Variants in GABRB1 observed in about 807,000 individuals in gnomAD.
GABRB1 encodes the protein gamma-aminobutyric acid type A receptor subunit beta1.
GABRB1 carries 17 observed loss-of-function variants against 51.6 expected under a neutral mutation model. That is an observed-to-expected ratio of 0.33 (90% CI 0.23 to 0.49). GABRB1 has a LOEUF of 0.49. Among genes scored for constraint, GABRB1 ranks in the 20% least tolerant of loss-of-function variants. The probability of loss-of-function intolerance (pLI) is 0.99; values close to 1 mark genes in which losing one functional copy is unlikely to be tolerated. For synonymous variants in GABRB1, 247 were observed against 218.9 expected (o/e 1.13, Z -1.14); for missense variants, 410 against 600.6 (o/e 0.68, Z 3.32).
At chr4:47,015,905 A>G (rs1724728201) in intron 1 of GABRB1, among the ~76,000 whole-genome samples, 1 of 152,196 alleles carries the variant, frequency 6.6e-6, no homozygotes, top group Non-Finnish European at 1.5e-5. Context: ...TAGTAGAAAA[A>G]AATATATTCA....
At chr4:47,354,554 T>C (rs2110002417) in intron 5 of GABRB1, among the ~76,000 whole-genome samples, 1 of 152,264 alleles carries the variant, frequency 6.6e-6, no homozygotes, top group South Asian at 2.1e-4. Flanking sequence ...ATCATTATGT[T>C]AGGTTCTCTT....
At chr4:47,339,539 ATATG>A (rs887633115) in intron 5 of GABRB1, among the ~76,000 whole-genome samples, 11 of 115,026 alleles carry the variant, frequency 9.6e-5, no homozygotes, top group East Asian at 4.6e-4. Flanking sequence ...GTATGTGTGC[ATATG>A]TGTGTGTGTG....
intron 3 of GABRB1, among the ~76,000 whole-genome samples, chr4:47,126,715 T>C (rs1716159823): frequency 6.6e-6 from 1 of 152,038 alleles, no homozygotes; most frequent in African/African-American, 2.4e-5. Flanking sequence ...CTATGGAATG[T>C]TTTAATGCTA....
chr4:47,393,565 C>T (rs1728081027), intron 5 of GABRB1, among the ~76,000 whole-genome samples: 1 of 152,076 alleles, frequency 6.6e-6, no homozygotes, highest in Admixed American at 6.5e-5. Context: ...TTGTGGTGTT[C>T]ATATGGATTC....
intron 8 of GABRB1, among the ~76,000 whole-genome samples, chr4:47,409,133 G>T (rs1031544552): frequency 1.4e-4 from 22 of 152,144 alleles, no homozygotes; most frequent in African/African-American, 5.3e-4. Context: ...AGCACTTTTG[G>T]GCTCTGGCCC....
At chr4:47,368,717 G>T (rs1727079725) in intron 5 of GABRB1, among the ~76,000 whole-genome samples, 1 of 151,776 alleles carries the variant, frequency 6.6e-6, no homozygotes, top group African/African-American at 2.4e-5. Context: ...CTTAGTCTAG[G>T]TTTTTATGAA....
intron 1 of GABRB1, among the ~76,000 whole-genome samples, chr4:47,014,997 C>T (rs1724702553): frequency 6.6e-6 from 1 of 152,202 alleles, no homozygotes. Flanking sequence ...ACCTCTGCCT[C>T]CCAGGTTCAA....
chr4:47,319,039 C>T (rs1032965123), intron 4 of GABRB1, among the ~76,000 whole-genome samples: 5 of 152,022 alleles, frequency 3.3e-5, no homozygotes, highest in African/African-American at 1.2e-4. Context: ...TTTTATTTAA[C>T]GATGCATCAT....
At chr4:47,128,257 C>G (rs536562806) in intron 3 of GABRB1, among the ~76,000 whole-genome samples, 1 of 151,690 alleles carries the variant, frequency 6.6e-6, no homozygotes, top group Non-Finnish European at 1.5e-5. Context: ...GAAGAAAGAA[C>G]GTTAAGGCTT....
At chr4:47,341,073 C>A (rs544489021) in intron 5 of GABRB1, among the ~76,000 whole-genome samples, 3 of 152,110 alleles carry the variant, frequency 2.0e-5, no homozygotes. Context: ...GTGCAGTGAA[C>A]AAAACAGAGA....
chr4:47,114,757 G>A (rs1324310403), intron 3 of GABRB1, among the ~76,000 whole-genome samples: 1 of 152,072 alleles, frequency 6.6e-6, no homozygotes, highest in African/African-American at 2.4e-5. Flanking sequence ...TAATTTACAA[G>A]GCCCAGTGCA....
chr4:47,115,336 A>G (rs1715415720), intron 3 of GABRB1, among the ~76,000 whole-genome samples: 1 of 152,260 alleles, frequency 6.6e-6, no homozygotes, highest in Admixed American at 6.5e-5. Flanking sequence ...TTTGGTTACT[A>G]ACTTTGATAA....
At chr4:47,145,911 G>GA (rs1022425704) in intron 3 of GABRB1, among the ~76,000 whole-genome samples, 24 of 151,960 alleles carry the variant, frequency 1.6e-4, no homozygotes, top group African/African-American at 4.3e-4. Context: ...CCATGCAGAT[G>GA]AAAAAAATGC....
intron 3 of GABRB1, among the ~76,000 whole-genome samples, chr4:47,084,257 G>A (rs1430999149): frequency 6.6e-6 from 1 of 152,158 alleles, no homozygotes; most frequent in East Asian, 1.9e-4. Flanking sequence ...CTGCCAATAT[G>A]TGGTTTGAGC....
intron 5 of GABRB1, among the ~76,000 whole-genome samples, chr4:47,370,818 G>T (rs1727162906): frequency 6.6e-6 from 1 of 152,170 alleles, no homozygotes; most frequent in South Asian, 2.1e-4. Flanking sequence ...CTTACAAGTG[G>T]ATCATTAGTG....
intron 4 of GABRB1, among the ~76,000 whole-genome samples, chr4:47,303,728 C>G (rs1724347840): frequency 6.6e-6 from 1 of 151,842 alleles, no homozygotes; most frequent in Non-Finnish European, 1.5e-5. Context: ...ATATGCATTA[C>G]CCCACATATC....
intron 4 of GABRB1, among the ~76,000 whole-genome samples, chr4:47,272,385 G>A (rs1722906160): frequency 6.6e-6 from 1 of 151,998 alleles, no homozygotes; most frequent in African/African-American, 2.4e-5. Flanking sequence ...TCTTAGTACT[G>A]TGTTATTCAT....
intron 4 of GABRB1, among the ~76,000 whole-genome samples, chr4:47,254,619 G>C (rs961089809): frequency 1.3e-5 from 2 of 151,838 alleles, no homozygotes; most frequent in Non-Finnish European, 2.9e-5. Context: ...TGATCCGTTT[G>C]CCTTGGCCTC....
At chr4:47,206,343 TC>T (rs1170309153) in intron 4 of GABRB1, among the ~76,000 whole-genome samples, 2 of 152,000 alleles carry the variant, frequency 1.3e-5, no homozygotes, top group African/African-American at 4.8e-5. Context: ...GAAATGGATT[TC>T]TCTACATGGA....
Sources: allele counts gnomAD v4.1 joint callset (sites outside exome capture counted in the v4.1 genomes callset), GRCh38; gene constraint gnomAD v4.1.1; transcripts MANE v1.5; gene names NCBI Gene and HGNC (gene_info 2026-07-23, HGNC 2026-07-21).